OTUD7A: variants seen among roughly 807,000 people sequenced by gnomAD.
The protein encoded by OTUD7A is OTU deubiquitinase 7A.
Under a neutral mutation model 65.7 loss-of-function variants are expected in OTUD7A, and 12 were observed. That is an observed-to-expected ratio of 0.18 (90% CI 0.12 to 0.30). The LOEUF (loss-of-function observed/expected upper bound fraction) is 0.30. Among genes scored for constraint, OTUD7A ranks in the 10% least tolerant of loss-of-function variants. The pLI, the probability that OTUD7A is intolerant of heterozygous loss-of-function variation, is 1.00. For synonymous variants in OTUD7A, 641 were observed against 586.3 expected (o/e 1.09, Z -1.35); for missense variants, 1,148 against 1,304.8 (o/e 0.88, Z 1.85).
intron 1 of OTUD7A, chr15:31,767,462 C>A: frequency 1.3e-6 from 1 of 773,754 alleles, no homozygotes; most frequent in Admixed American, 1.7e-5. Flanking sequence ...TTGCTAGGCA[C>A]TTCATGGCAG....
chr15:31,709,302 G>A (rs1338068224), intron 1 of OTUD7A, among the ~76,000 whole-genome samples: 1 of 152,226 alleles, frequency 6.6e-6, no homozygotes, highest in Non-Finnish European at 1.5e-5. Context: ...GCACTCACAG[G>A]AAAGGGCAGG....
Position 31,482,204 on chromosome 15 carries a change from G to A in OTUD7A, c.*1090C>T, listed in dbSNP as rs1257754751. The A allele has an allele frequency of 6.6e-6, 1 of 152,224 alleles. No individual in the cohort carries two copies. The highest frequency in any genetic ancestry group is 1.5e-5 in the Non-Finnish European group (1 of 68,036). The allele number at this position is 152,224 out of a possible 1,614,324, so 9.4% of individuals were successfully genotyped here. A position where few individuals can be genotyped will look rare whatever the true frequency, so the allele number is the denominator to read the frequency against. ...TCATTGTGTCACGAGACGGAGGCAG[G>A]GTCGTCCTGCCCCGTGGAGGGGCCA... On this transcript the variant is annotated 3_prime_UTR_variant, in exon 13 of 13. Coordinates refer to ENST00000307050, the MANE Select transcript of OTUD7A (RefSeq NM_001382637.1).
At chr15:31,834,432 T>C (rs1897006678) in intron 1 of OTUD7A, among the ~76,000 whole-genome samples, 1 of 152,272 alleles carries the variant, frequency 6.6e-6, no homozygotes, top group Admixed American at 6.5e-5. Flanking sequence ...TAATCAATCA[T>C]GTTTATTTAA....
chr15:31,632,732 C>G (rs993199914), intron 3 of OTUD7A, among the ~76,000 whole-genome samples: 7 of 152,230 alleles, frequency 4.6e-5, no homozygotes, highest in African/African-American at 1.7e-4. Context: ...GTGGAGCCTA[C>G]AGAGGCAGGC....
chr15:31,867,970 G>A (rs999689197), intron 1 of OTUD7A, among the ~76,000 whole-genome samples: 2 of 152,180 alleles, frequency 1.3e-5, no homozygotes, highest in Non-Finnish European at 2.9e-5. Flanking sequence ...CCTCAACTTG[G>A]AGATCCACTC....
intron 1 of OTUD7A, among the ~76,000 whole-genome samples, chr15:31,802,689 G>A (rs1243760568): frequency 1.3e-5 from 2 of 152,176 alleles, no homozygotes; most frequent in Non-Finnish European, 2.9e-5. Context: ...GATTAAGAAC[G>A]CTTTGAGGTA....
intron 3 of OTUD7A, among the ~76,000 whole-genome samples, chr15:31,608,924 A>G (rs1890315008): frequency 6.6e-6 from 1 of 152,348 alleles, no homozygotes; most frequent in South Asian, 2.1e-4. Flanking sequence ...GGGAGTGCCC[A>G]AACTGCAGAA....
intron 1 of OTUD7A, among the ~76,000 whole-genome samples, chr15:31,674,832 C>G (rs1176779011): frequency 1.3e-5 from 2 of 152,188 alleles, no homozygotes; most frequent in South Asian, 2.1e-4. Flanking sequence ...TGCAAGTCCA[C>G]CCACCATTCT....
At chr15:31,766,276 G>A (rs1281272528) in intron 1 of OTUD7A, 1 of 1,601,632 alleles carries the variant, frequency 6.2e-7, no homozygotes, top group Non-Finnish European at 8.5e-7. Flanking sequence ...GCATCATGAA[G>A]TTTGGGCATA....
At chr15:31,581,127 T>C (rs1202112134) in intron 3 of OTUD7A, among the ~76,000 whole-genome samples, 1 of 152,172 alleles carries the variant, frequency 6.6e-6, no homozygotes, top group Non-Finnish European at 1.5e-5. Context: ...AAGTTCAAAA[T>C]CCAGCAGGGC....
intron 8 of OTUD7A, among the ~76,000 whole-genome samples, chr15:31,511,736 C>CATATATATGTATATCTATATGTAACAT (rs1566893939): frequency 0.21 from 8,375 of 39,410 alleles, 3,668 homozygotes; most frequent in East Asian, 0.34. Flanking sequence ...ATATGTAACA[C>CATATATATGTATATCTATATGTAACAT]ACATATATAT....
At chr15:31,860,680 T>TATATATATATAC (rs1360894795) in intron 1 of OTUD7A, among the ~76,000 whole-genome samples, 2 of 121,122 alleles carry the variant, frequency 1.7e-5, no homozygotes, top group African/African-American at 6.1e-5. Context: ...TATGTGTGTA[T>TATATATATATAC]ATATATATAT....
Position 31,526,419 on chromosome 15 carries a change from T to A in OTUD7A, c.823A>T (p.Thr275Ser). 6.2e-7 allele frequency: 1 copy of A among 1,602,566 alleles called. No homozygotes were observed. The highest frequency in any genetic ancestry group is 1.1e-5 in the South Asian group (1 of 90,180). Reference sequence around the variant, plus strand: ...CTGGAGGCCAGCTTCAGCAGCTCCGTCCACTCCCGCTCCCACTCCTCCTCT... The same window carrying A: ...CTGGAGGCCAGCTTCAGCAGCTCCGACCACTCCCGCTCCCACTCCTCCTCT... ...YTEEEWEREW[T>S]ELLKLASSEP... The change falls in exon 8 of 13, where the codon ACG (threonine) becomes TCG (serine). Residue 275 changes from threonine to serine, a missense_variant. This residue lies in a region of OTUD7A where 134 missense variants were observed against 252.6 expected (regional missense o/e 0.53). Coordinates refer to ENST00000307050, the MANE Select transcript of OTUD7A (RefSeq NM_001382637.1).
rs373392736 is a variant in OTUD7A, at chr15:31,570,066, G to T, written c.283C>A (p.His95Asn). The T allele has an allele frequency of 3.8e-5, 62 of 1,614,208 alleles. No individual in the cohort carries two copies. In the African/African-American group the frequency reaches 7.2e-4, roughly 19 times the overall value. ...KQPEREPQPG[H>N]KVERPCLQRQ... ...TGCAGGCAGGGTCGCTCCACCTTGT[G>T]CCCGGGCTGTGGCTCTCGCTCTGGC... is the stretch of plus-strand genomic sequence containing the variant. The change falls in exon 4 of 13, where the codon CAC (histidine) becomes AAC (asparagine). Residue 95 changes from histidine to asparagine, a missense_variant. Around this residue, in one of 6 missense-constraint regions of OTUD7A, gnomAD observed 51 missense variants for 46.9 expected, o/e 1.09. Transcript: ENST00000307050.
At chr15:31,719,292 C>T (rs1893673784) in intron 1 of OTUD7A, among the ~76,000 whole-genome samples, 1 of 151,708 alleles carries the variant, frequency 6.6e-6, no homozygotes, top group East Asian at 1.9e-4. Flanking sequence ...CAACATACTC[C>T]CTTATTTTCT....
chr15:31,570,043 C>A lies in OTUD7A; in HGVS notation c.306G>T (p.Leu102=). 6.2e-7 allele frequency: 1 copy of A among 1,614,156 alleles called. No individual in the cohort carries two copies. Among genetic ancestry groups the A allele is most frequent in the South Asian group, 1.1e-5 (1 of 91,072 alleles). ...CTTGGGCAATGTCGTCCTGCCTCTGCAGGCAGGGTCGCTCCACCTTGTGCC... is the reference window on the plus strand; with the variant it reads ...CTTGGGCAATGTCGTCCTGCCTCTGAAGGCAGGGTCGCTCCACCTTGTGCC... ...QPGHKVERPC[L]QRQDDIAQEK... is the part of the protein sequence containing the mutation. Residue 102 remains leucine, a synonymous_variant, in exon 4 of 13, where the codon CTG becomes CTT. Coordinates refer to ENST00000307050, the MANE Select transcript of OTUD7A (RefSeq NM_001382637.1).
intron 1 of OTUD7A, among the ~76,000 whole-genome samples, chr15:31,724,620 G>A (rs918095267): frequency 1.3e-5 from 2 of 152,162 alleles, no homozygotes; most frequent in African/African-American, 4.8e-5. Context: ...CTCACAGAAT[G>A]GGGGCATACA....
At chr15:31,598,372 C>T (rs536143002) in intron 3 of OTUD7A, among the ~76,000 whole-genome samples, 12 of 152,192 alleles carry the variant, frequency 7.9e-5, no homozygotes, top group Admixed American at 5.9e-4. Flanking sequence ...CAGGGCAGGG[C>T]GTCGCCTCAC....
intron 1 of OTUD7A, among the ~76,000 whole-genome samples, chr15:31,761,606 T>C (rs989802305): frequency 6.6e-6 from 1 of 152,200 alleles, no homozygotes; most frequent in Non-Finnish European, 1.5e-5. Flanking sequence ...CTTCAAAAAA[T>C]AGTTCAGCAG....
Sources: allele counts gnomAD v4.1 joint callset (sites outside exome capture counted in the v4.1 genomes callset), GRCh38; gene constraint gnomAD v4.1.1; regional missense constraint gnomAD v4.1.1; transcripts MANE v1.5; gene names NCBI Gene and HGNC (gene_info 2026-07-23, HGNC 2026-07-21).